ST13: variants seen among roughly 807,000 people sequenced by gnomAD.
The protein encoded by ST13 is hsc70-interacting protein.
Under a neutral mutation model 56.7 loss-of-function variants are expected in ST13, and 23 were observed. The observed-to-expected ratio is 0.41, with a 90% CI of 0.29 to 0.57. The LOEUF (loss-of-function observed/expected upper bound fraction) is 0.57, where lower values mean the gene tolerates loss of function less well. ST13 is among the 20% of genes least tolerant of loss of function. ST13 has a pLI of 0.36. For synonymous variants in ST13, 132 were observed against 142.4 expected (o/e 0.93, Z 0.52); for missense variants, 369 against 459.9 (o/e 0.80, Z 1.81).
At chr22:40,838,918 A>C (rs928121032) in intron 5 of ST13, among the ~76,000 whole-genome samples, 1 of 152,116 alleles carries the variant, frequency 6.6e-6, no homozygotes, top group Non-Finnish European at 1.5e-5. Flanking sequence ...AAATAAAAAA[A>C]AAAAAAAAAT....
chr22:40,837,036 G>A (rs535409016), intron 5 of ST13, among the ~76,000 whole-genome samples: 1 of 152,160 alleles, frequency 6.6e-6, no homozygotes, highest in South Asian at 2.1e-4. Flanking sequence ...GGCTGCTCTC[G>A]AACTCCTGGG....
chr22:40,844,813 G>C, intron 4 of ST13, 26 bp downstream of exon 4: 2 of 1,585,628 alleles, frequency 1.3e-6, no homozygotes, highest in Non-Finnish European at 8.7e-7. Flanking sequence ...CTTAGAACAA[G>C]CAGGAAATCA....
At chr22:40,843,740 T>A (rs1435510090) in intron 4 of ST13, among the ~76,000 whole-genome samples, 3 of 151,910 alleles carry the variant, frequency 2.0e-5, no homozygotes, top group Non-Finnish European at 4.4e-5. Context: ...ATTATTAGCA[T>A]CCAGAATATT....
chr22:40,828,364 G>C (rs1159029134), intron 10 of ST13, among the ~76,000 whole-genome samples: 1 of 152,040 alleles, frequency 6.6e-6, no homozygotes, highest in Non-Finnish European at 1.5e-5. Flanking sequence ...CAGCACTTTG[G>C]GAGGCCGAGG....
At chr22:40,847,261 T>C (rs1383183631) in intron 3 of ST13, among the ~76,000 whole-genome samples, 2 of 135,880 alleles carry the variant, frequency 1.5e-5, no homozygotes. Flanking sequence ...TGGCTGGGCA[T>C]GGTGGCTCAC....
intron 4 of ST13, among the ~76,000 whole-genome samples, chr22:40,841,675 C>T (rs1392194793): frequency 1.3e-5 from 2 of 152,140 alleles, no homozygotes; most frequent in East Asian, 1.9e-4. Flanking sequence ...GGTGCAATCA[C>T]GGTTCACTGC....
chr22:40,848,236 A>T (rs2057842493), intron 3 of ST13, 58 bp downstream of exon 3: 5 of 1,278,680 alleles, frequency 3.9e-6, no homozygotes, highest in Non-Finnish European at 4.6e-6. Context: ...CTTTAATAAA[A>T]ATCAACAAAG....
chr22:40,855,193 C>T (rs2057883402), intron 1 of ST13, among the ~76,000 whole-genome samples: 1 of 152,184 alleles, frequency 6.6e-6, no homozygotes, highest in Non-Finnish European at 1.5e-5. Flanking sequence ...AAGTGGCTCA[C>T]GCCTGTAATA....
At chr22:40,835,777 G>A (rs762613518) in intron 6 of ST13, 26 bp downstream of exon 6, 4 of 1,608,764 alleles carry the variant, frequency 2.5e-6, no homozygotes, top group African/African-American at 1.3e-5. Context: ...TTTGCCAGGG[G>A]ATGCTTTTCT....
chr22:40,849,105 C>A (rs1204039792), intron 2 of ST13, among the ~76,000 whole-genome samples: 1 of 152,124 alleles, frequency 6.6e-6, no homozygotes, highest in African/African-American at 2.4e-5. Context: ...AAATTATATA[C>A]CATTATCAGC....
chr22:40,841,638 C>T (rs1172621648), intron 4 of ST13, among the ~76,000 whole-genome samples: 2 of 152,086 alleles, frequency 1.3e-5, no homozygotes, highest in Non-Finnish European at 2.9e-5. Context: ...ACAGGGTCTA[C>T]CTCTGTCACC....
At chr22:40,836,729 A>G (rs2057779275) in intron 5 of ST13, among the ~76,000 whole-genome samples, 1 of 152,254 alleles carries the variant, frequency 6.6e-6, no homozygotes, top group Non-Finnish European at 1.5e-5. Context: ...TCCTATTCTC[A>G]TAGTTAGCTT....
chr22:40,851,091 C>T (rs1601474424), intron 1 of ST13, among the ~76,000 whole-genome samples: 1 of 152,108 alleles, frequency 6.6e-6, no homozygotes, highest in African/African-American at 2.4e-5. Context: ...GGCTAATGAA[C>T]CCCTTTCTTT....
chr22:40,838,122 C>G (rs972630306), intron 5 of ST13, among the ~76,000 whole-genome samples: 3 of 152,172 alleles, frequency 2.0e-5, no homozygotes, highest in Admixed American at 2.0e-4. Context: ...TACAATCTGT[C>G]ATAACTACTC....
intron 7 of ST13, 76 bp from the exon 8 acceptor site, chr22:40,832,747 C>CA (rs1209525939): frequency 7.9e-6 from 9 of 1,140,630 alleles, no homozygotes; most frequent in Admixed American, 2.0e-5. Flanking sequence ...TTCTTCCTTA[C>CA]AAAAAAGGAT....
Position 40,826,031 on chromosome 22 carries a change from T to C in ST13, c.*507A>G, listed in dbSNP as rs957654376. ...ATACGGGTGGTCCCAATTAGTTTTA[T>C]TGAAATAAATCTTTAAAGAAAAAGA... On this transcript the variant is annotated 3_prime_UTR_variant, in exon 12 of 12. Coordinates refer to ENST00000216218, the MANE Select transcript of ST13 (RefSeq NM_003932.5). The C allele has an allele frequency of 5.2e-5, 8 of 152,912 alleles. No individual in the cohort carries two copies. The highest frequency in any genetic ancestry group is 1.2e-4 in the Non-Finnish European group (8 of 68,146). 9.5% of individuals were successfully genotyped at this position (152,912 alleles called of 1,614,324 possible).
chr22:40,844,704 C>T (rs890637726), intron 4 of ST13, 135 bp downstream of exon 4: 1 of 664,850 alleles, frequency 1.5e-6, no homozygotes, highest in Non-Finnish European at 2.6e-6. Flanking sequence ...AAATACAATG[C>T]TTGCCTAAAA....
At chr22:40,854,619 G>T (rs1050634577) in intron 1 of ST13, 1 of 152,174 alleles carries the variant, frequency 6.6e-6, no homozygotes, top group African/African-American at 2.4e-5. Context: ...CTTTTAATTT[G>T]TTCTTCTGTG....
intron 10 of ST13, 87 bp from the exon 11 acceptor site, chr22:40,827,316 T>C: frequency 3.6e-6 from 5 of 1,407,226 alleles, no homozygotes; most frequent in Non-Finnish European, 5.0e-6. Context: ...GTTCAAAGAA[T>C]ATGGGTGCCA....
Sources: allele counts gnomAD v4.1 joint callset (sites outside exome capture counted in the v4.1 genomes callset), GRCh38; gene constraint gnomAD v4.1.1; transcripts MANE v1.5; gene names NCBI Gene and HGNC (gene_info 2026-07-23, HGNC 2026-07-21).